Variants in MSR1 observed in about 807,000 individuals in gnomAD.
MSR1 encodes the protein macrophage scavenger receptor 1, also known as macrophage scavenger receptor types I and II.
In MSR1, 53 loss-of-function variants were observed where a neutral mutation model predicts 47.2. That is an observed-to-expected ratio of 1.12 (90% confidence interval 0.90 to 1.41). The LOEUF is 1.41. MSR1 is among the 40% of genes most tolerant of loss of function. MSR1 has a pLI of 0.00. For missense variants in MSR1, 786 were observed against 546.9 expected (o/e 1.44, Z -4.36); for synonymous variants, 239 against 185.6 (o/e 1.29, Z -2.34).
At chr8:16,158,308 G>A (rs138947025) in intron 5 of MSR1, among the ~76,000 whole-genome samples, 1 of 151,746 alleles carries the variant, frequency 6.6e-6, no homozygotes, top group Non-Finnish European at 1.5e-5. Context: ...CTTCCTCCAT[G>A]ATTACTTCTT....
intron 1 of MSR1, among the ~76,000 whole-genome samples, chr8:16,185,530 G>A (rs573298259): frequency 6.6e-6 from 1 of 152,146 alleles, no homozygotes; most frequent in East Asian, 1.9e-4. Context: ...TTAGGAATAT[G>A]CCGGCAAAGC....
At chr8:16,123,039 G>T (rs1192286455) in intron 8 of MSR1, among the ~76,000 whole-genome samples, 1 of 151,752 alleles carries the variant, frequency 6.6e-6, no homozygotes, top group African/African-American at 2.4e-5. Context: ...TACAGACGGG[G>T]TTTCACCGTG....
rs1253210946 is a variant in MSR1 at position 16,109,249 on chromosome 8, C to G, written c.*836G>C. 7.5e-6 allele frequency: 1 copy of G among 132,960 alleles called. No individual in the cohort carries two copies. Among genetic ancestry groups the G allele is most frequent in the Non-Finnish European group, 1.5e-5 (1 of 64,864 alleles). 8.2% of individuals were successfully genotyped at this position (132,960 alleles called of 1,614,324 possible). A position where few individuals can be genotyped will look rare whatever the true frequency, so the allele number is the denominator to read the frequency against. On this transcript the variant is annotated 3_prime_UTR_variant, in exon 10 of 10. Transcript: ENST00000262101. ...CTCCAAACAGTTGAAACCACTCTTC[C>G]TTCTGCACTGAAGATGTTTGCATTG... is the stretch of plus-strand genomic sequence containing the variant.
In MSR1 at chr8:16,120,315, T is replaced by A. The variant is rs34105822; in HGVS notation, c.1222+103A>T. ...TCGCTTGAATCCGGGAGGCAGAGGT[T>A]GCAGTGAGCCGAGATCGCGCCACTG... is the stretch of plus-strand genomic sequence containing the variant. On this transcript the variant is annotated intron_variant, in intron 9 of 9. Coordinates refer to ENST00000262101, the MANE Select transcript of MSR1 (RefSeq NM_138715.3). 1,125 of 1,204,566 alleles carry A rather than the reference T, an allele frequency of 9.3e-4. 10 individuals carry two copies. In the African/African-American group the frequency reaches 0.011, roughly 12 times the overall value. 74.6% of individuals were successfully genotyped at this position (1,204,566 alleles called of 1,614,324 possible).
At chr8:16,133,239 T>C (rs78193176) in intron 8 of MSR1, among the ~76,000 whole-genome samples, 3 of 152,168 alleles carry the variant, frequency 2.0e-5, no homozygotes, top group East Asian at 3.9e-4. Flanking sequence ...ATTTAGTCCA[T>C]TCCTAAAGAC....
rs2117144520 is a variant in MSR1, at chr8:16,154,968, G to A, written c.898+96C>T. 8.0e-6 allele frequency: 8 copies of A among 1,001,990 alleles called. No individual in the cohort carries two copies. The South Asian group carries it at 9.3e-5, about 12-fold the overall frequency. The allele number at this position is 1,001,990 out of a possible 1,614,324, so 62.1% of individuals were successfully genotyped here. A position where few individuals can be genotyped will look rare whatever the true frequency, so the allele number is the denominator to read the frequency against. ...CACACACACATACACATCCTCTGCA[G>A]GATATAAATAAAATAGCAATCCTCC... On this transcript the variant is annotated intron_variant, in intron 6 of 9. Transcript: ENST00000262101.
rs375825790 is a variant in MSR1, at chr8:16,124,976, G to T, written c.1034-4370C>A. ...GAATAGAATATAGTTTCTATGAGTA[G>T]AAACAGAAAAATCATGAAGGAAAGA... On this transcript the variant is annotated intron_variant, in intron 8 of 9. Transcript: ENST00000262101. 6.4e-4 allele frequency among the ~76,000 whole-genome samples: 98 copies of T among 152,222 alleles called. No homozygotes were observed. In the South Asian group the frequency reaches 0.019, roughly 30 times the overall value.
intron 8 of MSR1, among the ~76,000 whole-genome samples, chr8:16,125,232 T>C (rs12680619): frequency 0.044 from 6,748 of 152,222 alleles, 247 homozygotes; most frequent in East Asian, 0.13. Flanking sequence ...ATGAGAAATG[T>C]AATTGCCTTA....
chr8:16,112,944 T>A (rs930137923), intron 9 of MSR1, among the ~76,000 whole-genome samples: 2 of 16,928 alleles, frequency 1.2e-4, no homozygotes, highest in Non-Finnish European at 7.6e-4. Flanking sequence ...TTTTTTTAAG[T>A]TTTTTTTTTT....
At chr8:16,164,627 A>C (rs1163170932) in intron 4 of MSR1, among the ~76,000 whole-genome samples, 1 of 152,018 alleles carries the variant, frequency 6.6e-6, no homozygotes, top group East Asian at 1.9e-4. Flanking sequence ...AACATAGTCA[A>C]ATTTCGTGAA....
At chr8:16,124,443 G>A (rs1387264377) in intron 8 of MSR1, among the ~76,000 whole-genome samples, 1 of 152,142 alleles carries the variant, frequency 6.6e-6, no homozygotes, top group African/African-American at 2.4e-5. Flanking sequence ...AATAAATAAG[G>A]TCATGCTTAA....
At chr8:16,126,387 T>C (rs1235616054) in intron 8 of MSR1, among the ~76,000 whole-genome samples, 1 of 152,160 alleles carries the variant, frequency 6.6e-6, no homozygotes, top group Non-Finnish European at 1.5e-5. Context: ...TTTTGTATCA[T>C]TTATTGGAAT....
rs949620960 is a variant in MSR1, at chr8:16,149,583, C to G, written c.979+648G>C. On this transcript the variant is annotated intron_variant, in intron 7 of 9. Transcript: ENST00000262101. ...TGAAATGAGGAGACAGTAAGCCTAG[C>G]TCTTTCTAAGATTGCTGTTCAAAGT... Among the ~76,000 whole-genome samples the G allele has an allele frequency of 2.0e-5, 3 of 152,158 alleles. No homozygotes were observed. In the East Asian group the frequency reaches 5.8e-4, roughly 29 times the overall value.
At chr8:16,180,359 T>G (rs532104867) in intron 1 of MSR1, among the ~76,000 whole-genome samples, 1 of 152,164 alleles carries the variant, frequency 6.6e-6, no homozygotes, top group Non-Finnish European at 1.5e-5. Context: ...AAAAAGAAAC[T>G]GATGGGCCTC....
At chr8:16,158,434 T>C (rs1156480419) in intron 5 of MSR1, among the ~76,000 whole-genome samples, 2 of 151,852 alleles carry the variant, frequency 1.3e-5, no homozygotes, top group Non-Finnish European at 2.9e-5. Flanking sequence ...CAAACCCAGG[T>C]GTATCATATC....
At position 16,190,723 on chromosome 8, in the gene MSR1, C is replaced by CTT. The variant is rs772816603; in HGVS notation, c.-5+1873_-5+1874dup. On this transcript the variant is annotated intron_variant, in intron 1 of 9. Transcript: ENST00000262101. ...TTATCATATTCTTTCTTTTTTCTTT[C>CTT]TTTCTTTTTGTTTTTGAGATGGAGT... is the stretch of plus-strand genomic sequence containing the variant. Among the ~76,000 whole-genome samples the CTT allele has an allele frequency of 9.0e-3, 1,306 of 145,312 alleles. 34 individuals are homozygous for CTT. The highest frequency in any genetic ancestry group is 0.034 in the African/African-American group (1,256 of 37,122).
intron 6 of MSR1, among the ~76,000 whole-genome samples, chr8:16,151,699 A>T (rs1338531213): frequency 6.6e-6 from 1 of 152,136 alleles, no homozygotes; most frequent in African/African-American, 2.4e-5. Context: ...ATCAAGTCAG[A>T]ATCCATCATT....
intron 8 of MSR1, among the ~76,000 whole-genome samples, chr8:16,129,849 T>G (rs550033502): frequency 1.4e-4 from 22 of 152,222 alleles, no homozygotes; most frequent in Non-Finnish European, 2.6e-4. Context: ...ACAAGTCCAG[T>G]GCTTGAATTT....
intron 1 of MSR1, among the ~76,000 whole-genome samples, chr8:16,180,369 C>T (rs1319164393): frequency 6.6e-6 from 1 of 152,128 alleles, no homozygotes; most frequent in East Asian, 1.9e-4. Context: ...TGATGGGCCT[C>T]ACCACCAGAG....
Sources: allele counts gnomAD v4.1 joint callset (sites outside exome capture counted in the v4.1 genomes callset), GRCh38; gene constraint gnomAD v4.1.1; transcripts MANE v1.5; gene names NCBI Gene and HGNC (gene_info 2026-07-23, HGNC 2026-07-21).